Variants in CCDC91 observed in about 807,000 individuals in gnomAD.
The protein encoded by CCDC91 is coiled-coil domain containing 91.
A neutral mutation model predicts 63.2 loss-of-function variants in CCDC91; 48 were observed. The observed-to-expected ratio is 0.76, with a 90% CI of 0.60 to 0.97. The LOEUF is 0.97. Ranked by LOEUF, CCDC91 falls within the 50% of genes least tolerant of loss-of-function variation. CCDC91 has a pLI of 0.00. For synonymous variants in CCDC91, 167 were observed against 165.8 expected, an observed-to-expected ratio of 1.01 and a Z score of -0.06; for missense variants, 500 against 494.6, an observed-to-expected ratio of 1.01 and a Z score of -0.10.
chr12:28,399,815 C>G (rs1271256220), intron 8 of CCDC91, among the ~76,000 whole-genome samples: 2 of 152,236 alleles, frequency 1.3e-5, no homozygotes, highest in Non-Finnish European at 2.9e-5. Context: ...ATCCAGCTCA[C>G]ACTGATGCAA....
intron 11 of CCDC91, among the ~76,000 whole-genome samples, chr12:28,463,197 A>G (rs1446657569): frequency 6.6e-6 from 1 of 152,218 alleles, no homozygotes; most frequent in African/African-American, 2.4e-5. Context: ...ACAAAGTACA[A>G]TATGTTGAGG....
intron 1 of CCDC91, among the ~76,000 whole-genome samples, chr12:28,239,793 T>G (rs1045827082): frequency 6.6e-6 from 1 of 152,142 alleles, no homozygotes; most frequent in Non-Finnish European, 1.5e-5. Context: ...AAAGAACTTA[T>G]AATTGCATGT....
At chr12:28,425,912 A>G (rs987349308) in intron 8 of CCDC91, among the ~76,000 whole-genome samples, 4 of 152,122 alleles carry the variant, frequency 2.6e-5, no homozygotes, top group African/African-American at 9.7e-5. Context: ...TTTGAAAACT[A>G]CTCAACTAAC....
intron 11 of CCDC91, among the ~76,000 whole-genome samples, chr12:28,468,701 G>A (rs2140592163): frequency 6.6e-6 from 1 of 151,972 alleles, no homozygotes; most frequent in Non-Finnish European, 1.5e-5. Flanking sequence ...CAAAATATTA[G>A]CAAACCAAAT....
chr12:28,534,289 C>T (rs1245901782), intron 12 of CCDC91, among the ~76,000 whole-genome samples: 1 of 152,106 alleles, frequency 6.6e-6, no homozygotes, highest in Non-Finnish European at 1.5e-5. Context: ...CATAAGTGAA[C>T]ACAGTGAAAT....
chr12:28,258,478 C>T (rs1946601146), intron 2 of CCDC91, among the ~76,000 whole-genome samples: 1 of 151,934 alleles, frequency 6.6e-6, no homozygotes, highest in Admixed American at 6.6e-5. Context: ...CAAATTGATT[C>T]CTTTCAGTAC....
intron 10 of CCDC91, among the ~76,000 whole-genome samples, chr12:28,450,942 T>C (rs759269768): frequency 1.3e-5 from 2 of 151,908 alleles, no homozygotes; most frequent in South Asian, 2.1e-4. Context: ...TATGATTTTG[T>C]CTTTTTCTTA....
intron 1 of CCDC91, among the ~76,000 whole-genome samples, chr12:28,205,242 C>CTT (rs762473747): frequency 4.8e-5 from 7 of 145,768 alleles, no homozygotes; most frequent in Non-Finnish European, 7.6e-5. Flanking sequence ...GTGCTTCAGA[C>CTT]TTTTTTTTTT....
chr12:28,205,739 C>CA (rs1392045110), intron 1 of CCDC91, among the ~76,000 whole-genome samples: 1 of 152,144 alleles, frequency 6.6e-6, no homozygotes, highest in African/African-American at 2.4e-5. Context: ...GGCTAAGACT[C>CA]AGCTATTGTT....
At chr12:28,236,409 TG>T (rs1379521260) in intron 1 of CCDC91, 1 of 152,084 alleles carries the variant, frequency 6.6e-6, no homozygotes, top group Non-Finnish European at 1.5e-5. Flanking sequence ...ATTGCTGTAT[TG>T]TAATCTTTTT....
At chr12:28,398,820 C>A (rs991380050) in intron 8 of CCDC91, among the ~76,000 whole-genome samples, 2 of 152,028 alleles carry the variant, frequency 1.3e-5, no homozygotes, top group African/African-American at 4.8e-5. Context: ...ATATTCAAAT[C>A]TTTTTGCTTA....
intron 6 of CCDC91, among the ~76,000 whole-genome samples, chr12:28,360,556 A>T (rs1229680483): frequency 2.0e-5 from 3 of 152,230 alleles, no homozygotes; most frequent in Non-Finnish European, 2.9e-5. Flanking sequence ...TATGTGGTTC[A>T]TCACTACAAC....
intron 8 of CCDC91, chr12:28,412,881 T>G (rs1947405936): frequency 2.3e-6 from 1 of 430,040 alleles, no homozygotes; most frequent in African/African-American, 2.0e-5. Flanking sequence ...CCCAACTCCC[T>G]ACTCGACCCA....
chr12:28,339,095 C>G (rs1036456903), intron 6 of CCDC91, among the ~76,000 whole-genome samples: 2 of 152,150 alleles, frequency 1.3e-5, no homozygotes, highest in Non-Finnish European at 2.9e-5. Flanking sequence ...CCTGCCTCGG[C>G]TTCCCAAAGT....
intron 11 of CCDC91, among the ~76,000 whole-genome samples, chr12:28,479,834 ATGT>A (rs1023390491): frequency 6.6e-6 from 1 of 151,904 alleles, no homozygotes; most frequent in Non-Finnish European, 1.5e-5. Flanking sequence ...ACTTTTGAAG[ATGT>A]TGTGCTAATG....
chr12:28,310,361 T>C (rs1939193769), intron 6 of CCDC91, among the ~76,000 whole-genome samples: 1 of 152,084 alleles, frequency 6.6e-6, no homozygotes, highest in Non-Finnish European at 1.5e-5. Flanking sequence ...CCAATATAAA[T>C]GCTATCTGGC....
At position 28,378,345 on chromosome 12, in the gene CCDC91, T is replaced by C. The variant is rs1565883075; in HGVS notation, c.655-12959T>C. On this transcript the variant is annotated intron_variant, in intron 7 of 12. Coordinates refer to ENST00000536442, the MANE Select transcript of CCDC91 (RefSeq NM_018318.5). Reference sequence around the variant, plus strand: ...ATCACATGACTGCTGTATTCTTATTTTTCAAAAGCATCCACTTGCTAGTAT... The same window carrying C: ...ATCACATGACTGCTGTATTCTTATTCTTCAAAAGCATCCACTTGCTAGTAT... Among the ~76,000 whole-genome samples, 5 of 152,122 alleles carry C rather than the reference T, an allele frequency of 3.3e-5. No homozygotes were observed. The South Asian group carries it at 1.0e-3, about 31-fold the overall frequency.
At chr12:28,368,029 A>G (rs1317338169) in intron 7 of CCDC91, among the ~76,000 whole-genome samples, 1 of 152,228 alleles carries the variant, frequency 6.6e-6, no homozygotes, top group Non-Finnish European at 1.5e-5. Context: ...GATAGCCTGC[A>G]TAATCACATG....
intron 12 of CCDC91, among the ~76,000 whole-genome samples, chr12:28,536,770 T>C (rs536144991): frequency 1.4e-4 from 22 of 152,342 alleles, no homozygotes; most frequent in African/African-American, 5.3e-4. Flanking sequence ...AATGATGATT[T>C]TGATCAGAAT....
Sources: gnomAD v4.1 joint callset for allele counts (sites outside exome capture counted in the v4.1 genomes callset) on GRCh38, gnomAD v4.1.1 for gene constraint, MANE v1.5 for transcripts, NCBI Gene and HGNC (gene_info 2026-07-23, HGNC 2026-07-21) for gene names.